The following SLC16A10 variants were observed in gnomAD, a reference collection of about 807,000 sequenced individuals.
SLC16A10 encodes solute carrier family 16 member 10.
SLC16A10 carries 27 observed loss-of-function variants against 40.0 expected under a neutral mutation model. The ratio of observed to expected loss-of-function variants is 0.67; its 90% CI spans 0.50 to 0.93. The LOEUF (loss-of-function observed/expected upper bound fraction) is 0.93. Among genes scored for constraint, SLC16A10 ranks in the 40% least tolerant of loss-of-function variants. The pLI is 0.00. For missense variants in SLC16A10, 529 were observed against 658.2 expected (o/e 0.80, Z 2.15); for synonymous variants, 213 against 249.8 (o/e 0.85, Z 1.39).
chr6:111,229,986 G>GTTTCTTTTTT lies in SLC16A10; in HGVS notation c.*7755_*7764dup, dbSNP rs1771078321. 1 of 23,634 alleles carries GTTTCTTTTTT rather than the reference G, an allele frequency of 4.2e-5. No individual in the cohort carries two copies. Among genetic ancestry groups the GTTTCTTTTTT allele is most frequent in the African/African-American group, 1.7e-4 (1 of 5,736 alleles). The allele number at this position is 23,634 out of a possible 1,614,324, so 1.5% of individuals were successfully genotyped here. A position where few individuals can be genotyped will look rare whatever the true frequency, so the allele number is the denominator to read the frequency against. On this transcript the variant is annotated 3_prime_UTR_variant, in exon 6 of 6. Transcript: ENST00000368851. ...ATGACAGGTTTCTTTTTCTTTCTTT[G>GTTTCTTTTTT]TTTCTTTTTTTTTTTTTTTTTTGAG...
intron 1 of SLC16A10, among the ~76,000 whole-genome samples, chr6:111,131,417 C>T (rs1031602759): frequency 6.6e-6 from 1 of 152,174 alleles, no homozygotes; most frequent in Admixed American, 6.5e-5. Context: ...AGGCTTGCCG[C>T]CATCTTGGAA....
chr6:111,229,558 A>G lies in SLC16A10; in HGVS notation c.*7323A>G, dbSNP rs1454687004. 2 of 152,210 alleles carry G rather than the reference A, an allele frequency of 1.3e-5. No individual in the cohort carries two copies. The highest frequency in any genetic ancestry group is 4.8e-5 in the African/African-American group (2 of 41,462). 9.4% of individuals were successfully genotyped at this position (152,210 alleles called of 1,614,324 possible). Reference sequence around the variant, plus strand: ...TGTAGACATTTGGACATTTGAAACTATTTCGCAACTTTCAGGCTAAAATCA... The same window carrying G: ...TGTAGACATTTGGACATTTGAAACTGTTTCGCAACTTTCAGGCTAAAATCA... On this transcript the variant is annotated 3_prime_UTR_variant, in exon 6 of 6. Coordinates refer to ENST00000368851, the MANE Select transcript of SLC16A10 (RefSeq NM_018593.5).
intron 1 of SLC16A10, among the ~76,000 whole-genome samples, chr6:111,106,079 T>G (rs751157967): frequency 1.2e-4 from 18 of 152,244 alleles, no homozygotes; most frequent in Non-Finnish European, 2.5e-4. Flanking sequence ...CTGGGTGAAC[T>G]GAAGTACTGG....
At chr6:111,151,393 TG>T (rs145567937) in intron 1 of SLC16A10, among the ~76,000 whole-genome samples, 2,123 of 152,268 alleles carry the variant, frequency 0.014, 46 homozygotes, top group African/African-American at 0.047. Flanking sequence ...GCCAACCTAT[TG>T]CCACTCCCTT....
At chr6:111,219,492 T>C (rs1274244602) in intron 5 of SLC16A10, among the ~76,000 whole-genome samples, 1 of 151,880 alleles carries the variant, frequency 6.6e-6, no homozygotes, top group Non-Finnish European at 1.5e-5. Context: ...CATACCACTG[T>C]ACCCCAGCCT....
chr6:111,167,716 G>A (rs1423850879), intron 1 of SLC16A10, among the ~76,000 whole-genome samples: 3 of 151,610 alleles, frequency 2.0e-5, no homozygotes, highest in Non-Finnish European at 1.5e-5. Context: ...TTGCCCAGGC[G>A]GGAGTGCAGT....
intron 3 of SLC16A10, among the ~76,000 whole-genome samples, chr6:111,185,282 G>A (rs1430386316): frequency 1.3e-5 from 2 of 152,186 alleles, no homozygotes; most frequent in Non-Finnish European, 1.5e-5. Context: ...TTTTATGAAG[G>A]AGTCTGCATT....
Position 111,100,843 on chromosome 6 carries a change from T to TATAC in SLC16A10, c.343+12763_343+12766dup, listed in dbSNP as rs1225424341. Reference sequence around the variant, plus strand: ...TTTATAACTGATGCATGTATGCATATATACATACATACATACATGTATATG... The same window carrying TATAC: ...TTTATAACTGATGCATGTATGCATATATACATACATACATACATACATGTATATG... On this transcript the variant is annotated intron_variant, in intron 1 of 5. Coordinates refer to ENST00000368851, the MANE Select transcript of SLC16A10 (RefSeq NM_018593.5). Among the ~76,000 whole-genome samples the TATAC allele has an allele frequency of 3.6e-4, 54 of 151,812 alleles. 1 individual carries two copies. The highest frequency in any genetic ancestry group is 1.2e-3 in the African/African-American group (48 of 41,438).
chr6:111,095,173 C>T (rs1771051471), intron 1 of SLC16A10, among the ~76,000 whole-genome samples: 1 of 152,242 alleles, frequency 6.6e-6, no homozygotes, highest in African/African-American at 2.4e-5. Context: ...CCTTACTGGT[C>T]TTTGTGTTCT....
Position 111,223,777 on chromosome 6 carries a change from T to C in SLC16A10, c.*1542T>C, listed in dbSNP as rs1274118320. On this transcript the variant is annotated 3_prime_UTR_variant, in exon 6 of 6. Transcript: ENST00000368851. The stretch of plus-strand genomic sequence containing the variant: ...TGAGAAGTTCAACAAAACATACTAC[T>C]AAGACCAATCATCAAACCCACTATT... The C allele has an allele frequency of 6.6e-6, 1 of 152,206 alleles. No individual in the cohort carries two copies. Among genetic ancestry groups the C allele is most frequent in the Non-Finnish European group, 1.5e-5 (1 of 68,054 alleles). The allele number at this position is 152,206 out of a possible 1,614,324, so 9.4% of individuals were successfully genotyped here. A position where few individuals can be genotyped will look rare whatever the true frequency, so the allele number is the denominator to read the frequency against.
At chr6:111,142,408 A>C (rs891337704) in intron 1 of SLC16A10, among the ~76,000 whole-genome samples, 2 of 152,218 alleles carry the variant, frequency 1.3e-5, no homozygotes, top group Non-Finnish European at 2.9e-5. Context: ...AAAACTATAC[A>C]AATTTCTGCT....
chr6:111,141,059 C>T (rs1359495046), intron 1 of SLC16A10, among the ~76,000 whole-genome samples: 5 of 152,102 alleles, frequency 3.3e-5, no homozygotes, highest in East Asian at 1.9e-4. Flanking sequence ...CCAGAGTGCT[C>T]GGATTTAAGG....
intron 3 of SLC16A10, among the ~76,000 whole-genome samples, chr6:111,193,102 A>G (rs1410695692): frequency 6.6e-6 from 1 of 152,102 alleles, no homozygotes; most frequent in Admixed American, 6.6e-5. Flanking sequence ...ATCCTCCCAC[A>G]TGGCCTCCCA....
chr6:111,203,735 T>TAAAA (rs1304196103), intron 3 of SLC16A10, among the ~76,000 whole-genome samples: 3 of 148,526 alleles, frequency 2.0e-5, no homozygotes, highest in African/African-American at 7.4e-5. Flanking sequence ...AATAAATAAA[T>TAAAA]AAATAAATAA....
chr6:111,116,256 T>C (rs960909462), intron 1 of SLC16A10, among the ~76,000 whole-genome samples: 1 of 152,084 alleles, frequency 6.6e-6, no homozygotes, highest in Non-Finnish European at 1.5e-5. Flanking sequence ...CTCTCTCTGT[T>C]GCCCAGGCTG....
intron 1 of SLC16A10, among the ~76,000 whole-genome samples, chr6:111,090,113 G>A (rs1017937930): frequency 6.6e-6 from 1 of 151,454 alleles, no homozygotes; most frequent in Non-Finnish European, 1.5e-5. Flanking sequence ...TTTTTCTTTT[G>A]CACTCTGTGG....
At chr6:111,099,024 C>CTTTGGCCATATTT (rs1771125776) in intron 1 of SLC16A10, among the ~76,000 whole-genome samples, 1 of 152,086 alleles carries the variant, frequency 6.6e-6, no homozygotes, top group African/African-American at 2.4e-5. Flanking sequence ...TAGGCTTAAA[C>CTTTGGCCATATTT]TGAAAAAAGG....
chr6:111,087,995 C>A lies in SLC16A10; in HGVS notation c.243C>A (p.Asn81Lys), dbSNP rs201455367. ...TGATGCTGGCGGCCATGTGGTGCAA[C>A]GGGTCGGTGTTCGGCATCCAGAACG... ...WLVMLAAMWC[N>K]GSVFGIQNAC... The change falls in exon 1 of 6, where the codon AAC becomes AAA. Residue 81 changes from asparagine to lysine, a missense_variant. Asn to Lys is a moderately conservative substitution (Grantham distance 94). Coordinates refer to ENST00000368851, the MANE Select transcript of SLC16A10 (RefSeq NM_018593.5). 1.2e-6 allele frequency: 2 copies of A among 1,611,402 alleles called. No individual in the cohort carries two copies. The highest frequency in any genetic ancestry group is 1.7e-6 in the Non-Finnish European group (2 of 1,178,998).
intron 1 of SLC16A10, among the ~76,000 whole-genome samples, chr6:111,098,052 A>G (rs1284592010): frequency 6.6e-6 from 1 of 152,084 alleles, no homozygotes; most frequent in Non-Finnish European, 1.5e-5. Flanking sequence ...ATGCCTGTAA[A>G]TCTTAGCACT....
Sources: allele counts gnomAD v4.1 joint callset (sites outside exome capture counted in the v4.1 genomes callset), GRCh38; gene constraint gnomAD v4.1.1; transcripts MANE v1.5; gene names NCBI Gene and HGNC (gene_info 2026-07-23, HGNC 2026-07-21).